RBBP6: variants seen among roughly 807,000 people sequenced by gnomAD.
RBBP6 encodes RB binding protein 6, ubiquitin ligase.
Under a neutral mutation model 167.7 loss-of-function variants are expected in RBBP6, and 25 were observed. That is an observed-to-expected ratio of 0.15 (90% confidence interval 0.11 to 0.21). The LOEUF (loss-of-function observed/expected upper bound fraction) is 0.21, where lower values mean the gene tolerates loss of function less well. Among genes scored for constraint, RBBP6 ranks in the 10% least tolerant of loss-of-function variants. The probability of loss-of-function intolerance (pLI) is 1.00; values close to 1 mark genes in which losing one functional copy is unlikely to be tolerated. For synonymous variants in RBBP6, 789 were observed against 735.8 expected, an observed-to-expected ratio of 1.07 and a Z score of -1.17; for missense variants, 1,868 against 2,134.2, an observed-to-expected ratio of 0.88 and a Z score of 2.46.
chr16:24,545,623 T>C (rs1898625914), intron 1 of RBBP6, among the ~76,000 whole-genome samples: 1 of 151,768 alleles, frequency 6.6e-6, no homozygotes, highest in African/African-American at 2.4e-5. Flanking sequence ...AGTCTTTAAG[T>C]ATCCAGTAGA....
At chr16:24,546,809 T>C (rs915612448) in intron 2 of RBBP6, among the ~76,000 whole-genome samples, 8 of 152,224 alleles carry the variant, frequency 5.3e-5, no homozygotes, top group Admixed American at 1.3e-4. Context: ...TGGGTAAGTC[T>C]CTGTGCCTCA....
rs778850854 is a variant in RBBP6, at chr16:24,570,517, G to T, written c.3809+18G>T. On this transcript the variant is annotated intron_variant, in intron 17 of 17. Transcript: ENST00000319715. ...TACACCAGGTAGCTGAGTGTAGGGG[G>T]TGGGTGTGGAACTTTGTTGGGAGAA... is the stretch of plus-strand genomic sequence containing the variant. 1.5e-5 allele frequency: 23 copies of T among 1,540,418 alleles called. No homozygotes were observed. In the African/African-American group the frequency reaches 2.9e-4, roughly 20 times the overall value.
In RBBP6 at chr16:24,563,484, A is replaced by G. The variant is rs2141473370; in HGVS notation, c.1448A>G (p.Gln483Arg). 1.2e-6 allele frequency: 2 copies of G among 1,613,114 alleles called. No individual in the cohort carries two copies. The highest frequency in any genetic ancestry group is 4.5e-5 in the East Asian group (2 of 44,828). The change falls in exon 12 of 18, where the codon CAG (glutamine) becomes CGG (arginine). Residue 483 changes from glutamine to arginine, a missense_variant. Gln to Arg is a conservative substitution (Grantham distance 43, BLOSUM62 1). Around this residue, in one of 7 missense-constraint regions of RBBP6, gnomAD observed 245 missense variants for 240.1 expected, o/e 1.02. Coordinates refer to ENST00000319715, the MANE Select transcript of RBBP6 (RefSeq NM_006910.5). ...SLLGQSLLHG[Q>R]LIPTTGPVRI... Reference sequence around the variant, plus strand: ...CTTGGACAGTCATTATTGCATGGACAGTTGATCCCCACAACTGGTGAGTAA... The same window carrying G: ...CTTGGACAGTCATTATTGCATGGACGGTTGATCCCCACAACTGGTGAGTAA...
At chr16:24,570,735 TC>T (rs1320211861) in intron 17 of RBBP6, 140 bp from the exon 18 acceptor site, 1 of 830,508 alleles carries the variant, frequency 1.2e-6, no homozygotes, top group African/African-American at 1.8e-5. Flanking sequence ...TTGTGTGTCT[TC>T]CTTAGGGCAG....
intron 4 of RBBP6, 80 bp downstream of exon 4, chr16:24,553,637 G>T: frequency 8.6e-7 from 1 of 1,163,048 alleles, no homozygotes; most frequent in Non-Finnish European, 1.2e-6. Flanking sequence ...TTTTTTAAGA[G>T]GGGTTGGGGG....
intron 14 of RBBP6, among the ~76,000 whole-genome samples, chr16:24,566,696 T>G (rs1404939284): frequency 6.6e-6 from 1 of 152,112 alleles, no homozygotes; most frequent in Admixed American, 6.6e-5. Flanking sequence ...GAGCCAAGAT[T>G]ACACCACTGT....
At chr16:24,561,153 TC>T (rs1413355157) in intron 8 of RBBP6, among the ~76,000 whole-genome samples, 3 of 152,128 alleles carry the variant, frequency 2.0e-5, no homozygotes, top group Non-Finnish European at 2.9e-5. Context: ...TTCTAGACTA[TC>T]TTATATTTCT....
intron 1 of RBBP6, among the ~76,000 whole-genome samples, 160 bp from the exon 2 acceptor site, chr16:24,546,003 T>C (rs76181952): frequency 1.3e-5 from 2 of 152,368 alleles, no homozygotes; most frequent in African/African-American, 2.4e-5. Flanking sequence ...CTTAGGGCTT[T>C]GGATGTTTGT....
intron 7 of RBBP6, among the ~76,000 whole-genome samples, chr16:24,559,273 T>A (rs1898991270): frequency 6.6e-6 from 1 of 152,224 alleles, no homozygotes; most frequent in Admixed American, 6.5e-5. Context: ...GATCCTTTTA[T>A]TGTTTTTGTA....
intron 7 of RBBP6, chr16:24,558,389 T>C (rs1898969636): frequency 2.5e-6 from 2 of 798,522 alleles, no homozygotes; most frequent in Non-Finnish European, 1.5e-6. Context: ...TTTTTCTTTT[T>C]TTTTTTTTTC....
chr16:24,550,667 G>A (rs1319461447), intron 3 of RBBP6, among the ~76,000 whole-genome samples: 1 of 151,030 alleles, frequency 6.6e-6, no homozygotes, highest in Non-Finnish European at 1.5e-5. Flanking sequence ...AGCCTTGTGT[G>A]TTCCGGCATG....
rs1447435670 is a variant in RBBP6 at position 24,540,673 on chromosome 16, C to T, written c.47C>T (p.Thr16Ile). 1.2e-6 allele frequency: 2 copies of T among 1,614,136 alleles called. No homozygotes were observed. The highest frequency in any genetic ancestry group is 1.7e-5 in the Admixed American group (1 of 60,024). The change falls in exon 1 of 18, where the codon ACC becomes ATC. Residue 16 changes from threonine to isoleucine, a missense_variant. Physicochemically the swap from Thr to Ile is moderately conservative, Grantham distance 89. Transcript: ENST00000319715. Reference sequence around the variant, plus strand: ...TTTTCCTCTAAACTCAACTATGATACCGTCACCTTTGATGGGCTCCACATC... The same window carrying T: ...TTTTCCTCTAAACTCAACTATGATATCGTCACCTTTGATGGGCTCCACATC... ...YKFSSKLNYD[T>I]VTFDGLHISL... is the part of the protein sequence containing the mutation.
rs1195298777 is a variant in RBBP6, at chr16:24,541,191, A to AG, written c.166+399_166+400insG. Among the ~76,000 whole-genome samples, 100 of 78,548 alleles carry AG rather than the reference A, an allele frequency of 1.3e-3. 2 individuals carry two copies. In the East Asian group the frequency reaches 0.018, roughly 15 times the overall value. The allele number at this position is 78,548 out of a possible 152,430, so 51.5% of individuals were successfully genotyped here. ...TGTTTGTTCAATCAGCAAAAAAAAA[A>AG]ACAAAAAAAAAACCAAAAAAACAAT... On this transcript the variant is annotated intron_variant, in intron 1 of 17. Coordinates refer to ENST00000319715, the MANE Select transcript of RBBP6 (RefSeq NM_006910.5).
In RBBP6 at chr16:24,561,884, C is replaced by T. The variant is rs1230727486; in HGVS notation, c.1012C>T (p.Pro338Ser). 6.2e-7 allele frequency: 1 copy of T among 1,613,998 alleles called. No individual in the cohort carries two copies. Among genetic ancestry groups the T allele is most frequent in the Admixed American group, 1.7e-5 (1 of 60,012 alleles). ...YTKRLRKQLP[P>S]PPPPIPPPRP... Reference sequence around the variant, plus strand: ...AAAAAGACTACGAAAACAGTTACCTCCTCCACCACCCCCAATACCACCTCC... The same window carrying T: ...AAAAAGACTACGAAAACAGTTACCTTCTCCACCACCCCCAATACCACCTCC... Residue 338 changes from proline (P) to serine (S), a missense_variant, in exon 10 of 18, where the codon CCT becomes TCT. Pro to Ser is a moderately conservative substitution (Grantham distance 74). Coordinates refer to ENST00000319715, the MANE Select transcript of RBBP6 (RefSeq NM_006910.5).
chr16:24,564,063 G>A (rs1241640114), intron 13 of RBBP6, among the ~76,000 whole-genome samples: 1 of 151,956 alleles, frequency 6.6e-6, no homozygotes, highest in Non-Finnish European at 1.5e-5. Context: ...TTTGATTTGA[G>A]TACATAAATA....
At chr16:24,557,387 C>T (rs1898938971) in intron 7 of RBBP6, among the ~76,000 whole-genome samples, 1 of 152,086 alleles carries the variant, frequency 6.6e-6, no homozygotes, top group Non-Finnish European at 1.5e-5. Flanking sequence ...TAGATAACCT[C>T]CCATTTTATC....
chr16:24,563,355 G>C, intron 11 of RBBP6, 60 bp downstream of exon 11: 2 of 1,549,064 alleles, frequency 1.3e-6, no homozygotes, highest in Non-Finnish European at 1.7e-6. Context: ...TGTTTTTCTG[G>C]CTTTGTTCTT....
chr16:24,558,528 A>G, intron 7 of RBBP6: 1 of 965,982 alleles, frequency 1.0e-6, no homozygotes, highest in Non-Finnish European at 1.2e-6. Flanking sequence ...CAAATAACAC[A>G]CCTAAGGTAC....
intron 17 of RBBP6, 101 bp downstream of exon 17, chr16:24,570,600 C>A (rs1450378387): frequency 6.4e-6 from 7 of 1,099,052 alleles, no homozygotes; most frequent in Non-Finnish European, 8.7e-6. Context: ...GAATGCTGAT[C>A]TAGGGAAGTA....
Sources: allele counts gnomAD v4.1 joint callset (sites outside exome capture counted in the v4.1 genomes callset), GRCh38; gene constraint gnomAD v4.1.1; regional missense constraint gnomAD v4.1.1; transcripts MANE v1.5; gene names NCBI Gene and HGNC (gene_info 2026-07-23, HGNC 2026-07-21).